ERBB4: variants seen among roughly 807,000 people sequenced by gnomAD.
ERBB4 encodes receptor tyrosine-protein kinase erbB-4.
A neutral mutation model predicts 158.0 loss-of-function variants in ERBB4; 42 were observed. The ratio of observed to expected loss-of-function variants is 0.27; its 90% CI spans 0.21 to 0.34. The LOEUF (loss-of-function observed/expected upper bound fraction) is 0.34, where lower values mean the gene tolerates loss of function less well. Among genes scored for constraint, ERBB4 ranks in the 10% least tolerant of loss-of-function variants. The probability of loss-of-function intolerance (pLI) is 1.00; values close to 1 mark genes in which losing one functional copy is unlikely to be tolerated. For synonymous variants in ERBB4, 583 were observed against 558.7 expected, an observed-to-expected ratio of 1.04 and a Z score of -0.61; for missense variants, 1,333 against 1,624.1, an observed-to-expected ratio of 0.82 and a Z score of 3.08.
chr2:211,734,971 A>C (rs1014553842), intron 5 of ERBB4, among the ~76,000 whole-genome samples: 1 of 151,374 alleles, frequency 6.6e-6, no homozygotes, highest in Non-Finnish European at 1.5e-5. Context: ...AAGGATTTTA[A>C]AAATATAATG....
intron 1 of ERBB4, among the ~76,000 whole-genome samples, chr2:212,526,685 A>T (rs1309341829): frequency 6.6e-6 from 1 of 152,062 alleles, no homozygotes; most frequent in East Asian, 1.9e-4. Context: ...CCAAAGATCT[A>T]CACTCTCTAT....
At chr2:212,120,706 G>A (rs2079720855) in intron 2 of ERBB4, among the ~76,000 whole-genome samples, 1 of 152,070 alleles carries the variant, frequency 6.6e-6, no homozygotes, top group Non-Finnish European at 1.5e-5. Context: ...AGTTCCTAAA[G>A]ACAGAAATGA....
chr2:212,072,616 G>A (rs1278726480), intron 2 of ERBB4, among the ~76,000 whole-genome samples: 36 of 151,966 alleles, frequency 2.4e-4, no homozygotes, highest in Admixed American at 2.4e-3. Flanking sequence ...GAATATTGGA[G>A]AACTGTTTTC....
intron 3 of ERBB4, among the ~76,000 whole-genome samples, chr2:211,810,319 G>C (rs1189903607): frequency 2.0e-5 from 3 of 152,140 alleles, no homozygotes; most frequent in Non-Finnish European, 4.4e-5. Context: ...TATTGTGTGG[G>C]AGTCTAAGTC....
intron 1 of ERBB4, among the ~76,000 whole-genome samples, chr2:212,524,764 C>T (rs1315514473): frequency 2.0e-5 from 3 of 151,834 alleles, no homozygotes; most frequent in Admixed American, 6.6e-5. Flanking sequence ...TTTCTCGAAC[C>T]GGCTAATACT....
intron 2 of ERBB4, among the ~76,000 whole-genome samples, chr2:212,074,565 G>C (rs985853961): frequency 5.9e-5 from 9 of 151,876 alleles, no homozygotes; most frequent in Non-Finnish European, 1.2e-4. Context: ...CATTCAACAG[G>C]TTGGCAGGTA....
Position 211,678,860 on chromosome 2 carries a change from G to T in ERBB4, c.1622+192C>A, listed in dbSNP as rs185438668. Among the ~76,000 whole-genome samples, 3,229 of 151,580 alleles carry T rather than the reference G, an allele frequency of 0.021. 114 individuals carry two copies. Among genetic ancestry groups the T allele is most frequent in the African/African-American group, 0.075 (3,091 of 41,286 alleles). On this transcript the variant is annotated intron_variant, in intron 13 of 27. Coordinates refer to ENST00000342788, the MANE Select transcript of ERBB4 (RefSeq NM_005235.3). ...CGGGCGCCTGTAATCCCAGCTACTT[G>T]GGAGGCCAAGGCAGGAGAATGGCGT...
intron 16 of ERBB4, among the ~76,000 whole-genome samples, chr2:211,636,600 C>T (rs181671326): frequency 1.9e-4 from 29 of 151,982 alleles, no homozygotes; most frequent in African/African-American, 6.3e-4. Context: ...ATCAATAATG[C>T]CACTTTTACT....
intron 1 of ERBB4, among the ~76,000 whole-genome samples, chr2:212,167,273 G>A (rs1218964933): frequency 6.6e-6 from 1 of 152,068 alleles, no homozygotes; most frequent in Non-Finnish European, 1.5e-5. Flanking sequence ...CAAAAAGTGG[G>A]CAAAGGATAT....
chr2:212,065,350 C>T (rs1038378579), intron 2 of ERBB4, among the ~76,000 whole-genome samples: 2 of 151,764 alleles, frequency 1.3e-5, no homozygotes, highest in African/African-American at 4.8e-5. Flanking sequence ...TAAGGTGAAC[C>T]ATGCAAAATT....
chr2:211,717,742 G>A (rs2073966884), intron 7 of ERBB4, among the ~76,000 whole-genome samples: 1 of 152,054 alleles, frequency 6.6e-6, no homozygotes, highest in East Asian at 2.0e-4. Flanking sequence ...CAGGGGAATC[G>A]CTTGAACCCG....
In ERBB4 at chr2:211,873,977, T is replaced by C. The variant is rs140556781; in HGVS notation, c.421+73453A>G. ...GATTCTTCCAAAGTCATTAAGATTT[T>C]TAATATATCAAGTGAATGTGTTAAA... On this transcript the variant is annotated intron_variant, in intron 3 of 27. Transcript: ENST00000342788. Among the ~76,000 whole-genome samples the C allele has an allele frequency of 8.6e-4, 131 of 152,260 alleles. 1 individual carries two copies. Among genetic ancestry groups the C allele is most frequent in the African/African-American group, 3.1e-3 (130 of 41,554 alleles).
chr2:212,452,787 T>C (rs1037845163), intron 1 of ERBB4, among the ~76,000 whole-genome samples: 2 of 152,268 alleles, frequency 1.3e-5, no homozygotes, highest in Middle Eastern at 6.8e-3. Flanking sequence ...ACAGTGCTTA[T>C]CTACATACTA....
intron 1 of ERBB4, among the ~76,000 whole-genome samples, chr2:212,364,914 AGTGTGTGT>A (rs34682600): frequency 2.0e-5 from 3 of 148,106 alleles, no homozygotes; most frequent in East Asian, 4.0e-4. Context: ...TGTGTGTGTG[AGTGTGTGT>A]GTGTGTGTGT....
chr2:212,016,389 TGTTA>T (rs2076530623), intron 2 of ERBB4, among the ~76,000 whole-genome samples: 1 of 152,168 alleles, frequency 6.6e-6, no homozygotes, highest in South Asian at 2.1e-4. Flanking sequence ...AGATAATCAC[TGTTA>T]ATTACAGAGA....
At chr2:212,266,849 T>C (rs191535066) in intron 1 of ERBB4, among the ~76,000 whole-genome samples, 1 of 152,092 alleles carries the variant, frequency 6.6e-6, no homozygotes, top group Admixed American at 6.6e-5. Context: ...ACACAACAAA[T>C]TAAATGAGAA....
At chr2:211,696,411 A>G (rs1399685671) in intron 12 of ERBB4, among the ~76,000 whole-genome samples, 1 of 151,958 alleles carries the variant, frequency 6.6e-6, no homozygotes, top group Non-Finnish European at 1.5e-5. Context: ...GTGCCCAGCT[A>G]TGTATAGCAC....
chr2:211,448,534 TAATG>T (rs1336948674), intron 20 of ERBB4, among the ~76,000 whole-genome samples: 2 of 151,528 alleles, frequency 1.3e-5, no homozygotes, highest in African/African-American at 4.8e-5. Flanking sequence ...TAAGAAATGA[TAATG>T]AAGGTGCAAA....
At chr2:211,814,488 G>A in intron 3 of ERBB4, among the ~76,000 whole-genome samples, 1 of 151,994 alleles carries the variant, frequency 6.6e-6, no homozygotes, top group East Asian at 1.9e-4. Context: ...AATTAGAATA[G>A]TATAGAGGTA....
Sources: allele counts gnomAD v4.1 joint callset (sites outside exome capture counted in the v4.1 genomes callset), GRCh38; gene constraint gnomAD v4.1.1; transcripts MANE v1.5; gene names NCBI Gene and HGNC (gene_info 2026-07-23, HGNC 2026-07-21).